The following NRBP2 variants were observed in gnomAD, a reference collection of about 807,000 sequenced individuals.
The protein encoded by NRBP2 is nuclear receptor-binding protein 2.
Under a neutral mutation model 74.4 loss-of-function variants are expected in NRBP2, and 47 were observed. The observed-to-expected ratio is 0.63, with a 90% CI of 0.50 to 0.81. The LOEUF (loss-of-function observed/expected upper bound fraction) is 0.81, where lower values mean the gene tolerates loss of function less well. NRBP2 is among the 30% of genes least tolerant of loss of function. The probability of loss-of-function intolerance (pLI) is 0.00; values close to 1 mark genes in which losing one functional copy is unlikely to be tolerated. For synonymous variants in NRBP2, 312 were observed against 273.8 expected, an observed-to-expected ratio of 1.14 and a Z score of -1.38; for missense variants, 613 against 690.1, an observed-to-expected ratio of 0.89 and a Z score of 1.25.
downstream of NRBP2, chr8:143,833,258 CAT>C (rs1818224907): frequency 6.6e-6 from 1 of 152,126 alleles, no homozygotes; most frequent in South Asian, 2.1e-4. Flanking sequence ...ATGACAAACA[CAT>C]ATAGAAAACT....
Position 143,835,452 on chromosome 8 carries a change from G to T in NRBP2, c.*210C>A. 1.5e-6 allele frequency: 1 copy of T among 651,884 alleles called. No individual in the cohort carries two copies. The highest frequency in any genetic ancestry group is 1.7e-5 in the South Asian group (1 of 59,396). The allele number at this position is 651,884 out of a possible 1,614,324, so 40.4% of individuals were successfully genotyped here. A position where few individuals can be genotyped will look rare whatever the true frequency, so the allele number is the denominator to read the frequency against. ...CAACCCTGATCCTAAGGACCTGGGA[G>T]GCCTAACGGCTCCCCCACACCCACC... On this transcript the variant is annotated 3_prime_UTR_variant, in exon 18 of 18. Transcript: ENST00000442628. The surrounding 1 kb of genome is among the most constrained non-coding windows in gnomAD (Gnocchi z 4.9).
chr8:143,838,160 C>T, intron 10 of NRBP2: 1 of 419,582 alleles, frequency 2.4e-6, no homozygotes, highest in Non-Finnish European at 4.5e-6. Flanking sequence ...CAGCCCCGAC[C>T]AGGCACCCCC....
chr8:143,840,693 C>T lies in NRBP2; in HGVS notation c.129+13G>A, dbSNP rs1243634643. 8 of 1,475,696 alleles carry T rather than the reference C, an allele frequency of 5.4e-6. No individual in the cohort carries two copies. The highest frequency in any genetic ancestry group is 2.1e-5 in the Admixed American group (1 of 46,588). The allele number at this position is 1,475,696 out of a possible 1,614,324, so 91.4% of individuals were successfully genotyped here. ...AGGGCGGTGTCACCCCGTGCCCCAA[C>T]CCCCGCGCCCACCTGCTCCCGTCGC... On this transcript the variant is annotated intron_variant, in intron 1 of 17. Transcript: ENST00000442628. The surrounding 1 kb of genome is among the most constrained non-coding windows in gnomAD (Gnocchi z 5.7).
In NRBP2 at chr8:143,839,909, G is replaced by A. The variant is rs1365609206; in HGVS notation, c.354+20C>T. The A allele has an allele frequency of 2.0e-6, 3 of 1,535,312 alleles. No individual in the cohort carries two copies. The highest frequency in any genetic ancestry group is 2.4e-5 in the South Asian group (2 of 84,046). ...ACCTAGCTGTGGTCTCTGCCTGCCC[G>A]GGGCCTTGCCCGTGCTCACCCTCGC... On this transcript the variant is annotated intron_variant, in intron 3 of 17. Coordinates refer to ENST00000442628, the MANE Select transcript of NRBP2 (RefSeq NM_178564.4). This position sits in a 1 kb window ranked among gnomAD's most constrained non-coding sequence, Gnocchi z 5.1.
downstream of NRBP2, among the ~76,000 whole-genome samples, chr8:143,833,036 C>T (rs1233177895): frequency 1.3e-5 from 2 of 152,120 alleles, no homozygotes; most frequent in Non-Finnish European, 2.9e-5. Flanking sequence ...TCAAACAGGG[C>T]AAATGAAGGA....
chr8:143,836,305 C>G, intron 14 of NRBP2, 125 bp from the exon 15 acceptor site: 1 of 1,325,060 alleles, frequency 7.5e-7, no homozygotes, highest in African/African-American at 1.6e-5. Flanking sequence ...GCCCATCTCA[C>G]TGCTAGTGGC....
At chr8:143,836,942 C>T in intron 14 of NRBP2, 97 bp downstream of exon 14, 9 of 1,374,770 alleles carry the variant, frequency 6.5e-6, no homozygotes, top group Non-Finnish European at 9.0e-6. Flanking sequence ...GAGAGCTGGG[C>T]TGTGGGGATG....
rs782012956 is a variant in NRBP2 at position 143,839,418 on chromosome 8, T to G, written c.486-10A>C. ...GCAGGCGTGCAGGAAGCTGCAGACG[T>G]TGGGGAGGGGAGAGTAGGAGGAGCC... On this transcript the variant is annotated splice_polypyrimidine_tract_variant and intron_variant, in intron 5 of 17. Coordinates refer to ENST00000442628, the MANE Select transcript of NRBP2 (RefSeq NM_178564.4). This position sits in a 1 kb window ranked among gnomAD's most constrained non-coding sequence, Gnocchi z 5.1. The G allele has an allele frequency of 6.4e-7, 1 of 1,555,676 alleles. No homozygotes were observed. Among genetic ancestry groups the G allele is most frequent in the African/African-American group, 1.4e-5 (1 of 73,224 alleles).
chr8:143,835,315 G>A lies in NRBP2; in HGVS notation c.*347C>T. 1 of 401,296 alleles carries A rather than the reference G, an allele frequency of 2.5e-6. No individual in the cohort carries two copies. Among genetic ancestry groups the A allele is most frequent in the Non-Finnish European group, 4.6e-6 (1 of 218,078 alleles). The allele number at this position is 401,296 out of a possible 1,614,324, so 24.9% of individuals were successfully genotyped here. Reference sequence around the variant, plus strand: ...CCCTCACCCCCAAGCCCCAGAGCTGGGGTTCCCTACAGGGCAGCCTCCTGC... The same window carrying A: ...CCCTCACCCCCAAGCCCCAGAGCTGAGGTTCCCTACAGGGCAGCCTCCTGC... On this transcript the variant is annotated 3_prime_UTR_variant, in exon 18 of 18. Coordinates refer to ENST00000442628, the MANE Select transcript of NRBP2 (RefSeq NM_178564.4). The surrounding 1 kb of genome is among the most constrained non-coding windows in gnomAD (Gnocchi z 4.9).
chr8:143,831,230 A>G (rs782394170), downstream of NRBP2, among the ~76,000 whole-genome samples: 2 of 152,208 alleles, frequency 1.3e-5, no homozygotes, highest in Non-Finnish European at 2.9e-5. Flanking sequence ...CTGTTACCCC[A>G]TTTTTACTGA....
At position 143,839,557 on chromosome 8, in the gene NRBP2, C is replaced by T. The variant is rs1554653045; in HGVS notation, c.445-8G>A. On this transcript the variant is annotated splice_region_variant and splice_polypyrimidine_tract_variant and intron_variant, in intron 4 of 17. Transcript: ENST00000442628. The surrounding 1 kb of genome is among the most constrained non-coding windows in gnomAD (Gnocchi z 5.1). Reference sequence around the variant, plus strand: ...GCACCAGCGCTTCCAGGCCTGGCGGCGGACGCACGACTCCGTCGGTCGGGT... The same window carrying T: ...GCACCAGCGCTTCCAGGCCTGGCGGTGGACGCACGACTCCGTCGGTCGGGT... 4.6e-6 allele frequency: 7 copies of T among 1,529,914 alleles called. No individual in the cohort carries two copies. In the Admixed American group the frequency reaches 1.4e-4, roughly 30 times the overall value. The allele number at this position is 1,529,914 out of a possible 1,614,324, so 94.8% of individuals were successfully genotyped here.
chr8:143,840,959 C>A lies in NRBP2; in HGVS notation c.-125G>T. On this transcript the variant is annotated 5_prime_UTR_variant, in exon 1 of 18. Transcript: ENST00000442628. This position sits in a 1 kb window ranked among gnomAD's most constrained non-coding sequence, Gnocchi z 5.7. Reference sequence around the variant, plus strand: ...CGCCGCGGCAGCCTAGAGCCCCAGCCCCGGCTCTGGGAATTGGGAGGCGCG... The same window carrying A: ...CGCCGCGGCAGCCTAGAGCCCCAGCACCGGCTCTGGGAATTGGGAGGCGCG... 12 of 1,131,182 alleles carry A rather than the reference C, an allele frequency of 1.1e-5. No individual in the cohort carries two copies. Among genetic ancestry groups the A allele is most frequent in the Non-Finnish European group, 1.2e-5 (11 of 924,056 alleles). 70.1% of individuals were successfully genotyped at this position (1,131,182 alleles called of 1,614,324 possible).
Position 143,835,520 on chromosome 8 carries a change from A to G in NRBP2, c.*142T>C. On this transcript the variant is annotated 3_prime_UTR_variant, in exon 18 of 18. Coordinates refer to ENST00000442628, the MANE Select transcript of NRBP2 (RefSeq NM_178564.4). This position sits in a 1 kb window ranked among gnomAD's most constrained non-coding sequence, Gnocchi z 4.9. ...CCAAGGCAGGGTCAGCCCCACTCTC[A>G]GGAGACGGGGGGTTCCTTCACTACC... 2.7e-6 allele frequency: 2 copies of G among 748,240 alleles called. No homozygotes were observed. Among genetic ancestry groups the G allele is most frequent in the African/African-American group, 1.8e-5 (1 of 55,818 alleles). The allele number at this position is 748,240 out of a possible 1,614,324, so 46.4% of individuals were successfully genotyped here.
rs1554651432 is a variant in NRBP2, at chr8:143,835,820, C to T, written c.1437G>A (p.Glu479=). 6.2e-7 allele frequency: 1 copy of T among 1,601,094 alleles called. No homozygotes were observed. Among genetic ancestry groups the T allele is most frequent in the Non-Finnish European group, 8.5e-7 (1 of 1,175,216 alleles). Reference sequence around the variant, plus strand: ...GGCCGCGCCGCACCGCCCAGCGCACCTCGTGGAGGAAGCCATAGTGCACGA... The same window carrying T: ...GGCCGCGCCGCACCGCCCAGCGCACTTCGTGGAGGAAGCCATAGTGCACGA... ...SELVHYGFLH[E]DDRMKLAAFL... Residue 479 remains glutamate (E), a splice_region_variant and synonymous_variant, in exon 17 of 18, where the codon GAG becomes GAA. Coordinates refer to ENST00000442628, the MANE Select transcript of NRBP2 (RefSeq NM_178564.4). This position sits in a 1 kb window ranked among gnomAD's most constrained non-coding sequence, Gnocchi z 4.9.
chr8:143,831,341 C>T (rs1586641804), downstream of NRBP2, among the ~76,000 whole-genome samples: 1 of 152,256 alleles, frequency 6.6e-6, no homozygotes, highest in Non-Finnish European at 1.5e-5. Context: ...CCAGGTCAGG[C>T]ACAGTGGCTC....
intron 14 of NRBP2, 149 bp from the exon 15 acceptor site, chr8:143,836,329 G>A: frequency 8.3e-7 from 1 of 1,206,072 alleles, no homozygotes; most frequent in Non-Finnish European, 1.1e-6. Flanking sequence ...GCAAGCTAAG[G>A]AAAGCTTCGA....
In NRBP2 at chr8:143,835,432, C is replaced by T; in HGVS notation, c.*230G>A. On this transcript the variant is annotated 3_prime_UTR_variant, in exon 18 of 18. Transcript: ENST00000442628. This position sits in a 1 kb window ranked among gnomAD's most constrained non-coding sequence, Gnocchi z 4.9. ...ATGGGAAGGGGTTCTGGGGGCAACC[C>T]TGATCCTAAGGACCTGGGAGGCCTA... The T allele has an allele frequency of 3.2e-6, 2 of 631,982 alleles. No homozygotes were observed. Among genetic ancestry groups the T allele is most frequent in the Non-Finnish European group, 2.8e-6 (1 of 356,838 alleles). The allele number at this position is 631,982 out of a possible 1,614,324, so 39.1% of individuals were successfully genotyped here. A position where few individuals can be genotyped will look rare whatever the true frequency, so the allele number is the denominator to read the frequency against.
chr8:143,839,913 C>A lies in NRBP2; in HGVS notation c.354+16G>T. 2.0e-6 allele frequency: 3 copies of A among 1,535,780 alleles called. No homozygotes were observed. Among genetic ancestry groups the A allele is most frequent in the South Asian group, 1.2e-5 (1 of 84,062 alleles). ...AGCTGTGGTCTCTGCCTGCCCGGGG[C>A]CTTGCCCGTGCTCACCCTCGCGCAG... On this transcript the variant is annotated intron_variant, in intron 3 of 17. Transcript: ENST00000442628. The surrounding 1 kb of genome is among the most constrained non-coding windows in gnomAD (Gnocchi z 5.1).
In NRBP2 at chr8:143,839,289, C is replaced by T; in HGVS notation, c.580+25G>A. On this transcript the variant is annotated intron_variant, in intron 6 of 17. Transcript: ENST00000442628. This position sits in a 1 kb window ranked among gnomAD's most constrained non-coding sequence, Gnocchi z 5.1. The stretch of plus-strand genomic sequence containing the variant: ...AGGCACCTTCCCCTGCCCCGTTCCC[C>T]CACCCAGCCCTGCCCCGCCAGCACC... 1 of 1,540,018 alleles carries T rather than the reference C, an allele frequency of 6.5e-7. No homozygotes were observed. The highest frequency in any genetic ancestry group is 8.7e-7 in the Non-Finnish European group (1 of 1,149,202).
Sources: gnomAD v4.1 joint callset for allele counts (sites outside exome capture counted in the v4.1 genomes callset) on GRCh38, gnomAD v4.1.1 for gene constraint, Gnocchi (gnomAD v3.1) non-coding constraint, MANE v1.5 for transcripts, NCBI Gene and HGNC (gene_info 2026-07-23, HGNC 2026-07-21) for gene names.